The following ATXN7L1 variants were observed in gnomAD, a reference collection of about 807,000 sequenced individuals.
The protein encoded by ATXN7L1 is ataxin 7 like 1, also known as ataxin-7-like protein 1.
In ATXN7L1, 15 loss-of-function variants were observed where a neutral mutation model predicts 70.8. The observed-to-expected ratio is 0.21, with a 90% CI of 0.14 to 0.33. The LOEUF (loss-of-function observed/expected upper bound fraction) is 0.33, where lower values mean the gene tolerates loss of function less well. ATXN7L1 is among the 10% of genes least tolerant of loss of function. ATXN7L1 has a pLI of 1.00. For synonymous variants in ATXN7L1, 440 were observed against 445.1 expected (o/e 0.99, Z 0.14); for missense variants, 975 against 1,097.1 (o/e 0.89, Z 1.57).
intron 2 of ATXN7L1, among the ~76,000 whole-genome samples, chr7:105,823,949 T>A (rs1810500398): frequency 6.6e-6 from 1 of 152,062 alleles, no homozygotes; most frequent in Non-Finnish European, 1.5e-5. Context: ...TCTGAAGGTT[T>A]GTTTACTGGA....
chr7:105,830,900 G>A (rs1350057964), intron 2 of ATXN7L1, among the ~76,000 whole-genome samples: 1 of 152,242 alleles, frequency 6.6e-6, no homozygotes, highest in African/African-American at 2.4e-5. Flanking sequence ...TCACAGAGCT[G>A]TCCTATTGAG....
intron 2 of ATXN7L1, among the ~76,000 whole-genome samples, chr7:105,807,498 C>T (rs1029671137): frequency 6.6e-6 from 1 of 152,200 alleles, no homozygotes; most frequent in Non-Finnish European, 1.5e-5. Context: ...GCAGGAATGG[C>T]CCCCCAGTTG....
chr7:105,624,373 C>T, intron 7 of ATXN7L1, 106 bp from the exon 8 acceptor site: 1 of 1,146,728 alleles, frequency 8.7e-7, no homozygotes, highest in Non-Finnish European at 1.1e-6. Flanking sequence ...TGATTAAGGC[C>T]AGGTTCGGTG....
intron 3 of ATXN7L1, among the ~76,000 whole-genome samples, chr7:105,734,389 C>A (rs1584875937): frequency 1.3e-5 from 2 of 152,220 alleles, no homozygotes; most frequent in African/African-American, 4.8e-5. Context: ...GCCTCAGAGC[C>A]CGGGGCAGCT....
chr7:105,839,866 TAATAC>T (rs1190194766), intron 2 of ATXN7L1, among the ~76,000 whole-genome samples: 1 of 152,176 alleles, frequency 6.6e-6, no homozygotes, highest in East Asian at 1.9e-4. Context: ...AAATAAGAAA[TAATAC>T]AATATTATTA....
intron 3 of ATXN7L1, among the ~76,000 whole-genome samples, chr7:105,763,149 T>C (rs1800763290): frequency 6.6e-6 from 1 of 152,242 alleles, no homozygotes; most frequent in Admixed American, 6.5e-5. Context: ...GAGTCATTTG[T>C]TATGCGGCAA....
At chr7:105,749,978 ATACACCTAAAATCTTAATTTGCCTTTAAC>A (rs1799004924) in intron 3 of ATXN7L1, among the ~76,000 whole-genome samples, 1 of 151,898 alleles carries the variant, frequency 6.6e-6, no homozygotes, top group African/African-American at 2.4e-5. Flanking sequence ...CACCTGCACG[ATACACCTAAAATCTTAATTTGCCTTTAAC>A]AGCTGTACCC....
At chr7:105,681,653 T>C (rs1194635524) in intron 3 of ATXN7L1, among the ~76,000 whole-genome samples, 1 of 151,998 alleles carries the variant, frequency 6.6e-6, no homozygotes, top group Non-Finnish European at 1.5e-5. Flanking sequence ...GCAACCCAAG[T>C]GTCTATCAAT....
At chr7:105,639,349 G>T (rs1797847346) in intron 6 of ATXN7L1, 138 bp downstream of exon 6, 2 of 546,244 alleles carry the variant, frequency 3.7e-6, no homozygotes, top group Non-Finnish European at 3.2e-6. Flanking sequence ...TGGACGAGAA[G>T]AAAGCATTTC....
At chr7:105,798,635 T>TCACCCTATCATCTTCCC (rs1222704591) in intron 2 of ATXN7L1, among the ~76,000 whole-genome samples, 1 of 152,212 alleles carries the variant, frequency 6.6e-6, no homozygotes, top group Non-Finnish European at 1.5e-5. Context: ...ACCCTATCAT[T>TCACCCTATCATCTTCCC]CACAGTTCCA....
chr7:105,777,562 T>A (rs1450875209), intron 3 of ATXN7L1, among the ~76,000 whole-genome samples: 1 of 152,244 alleles, frequency 6.6e-6, no homozygotes, highest in Non-Finnish European at 1.5e-5. Flanking sequence ...AAATGTTGAC[T>A]CTTCCCTTTC....
intron 4 of ATXN7L1, among the ~76,000 whole-genome samples, chr7:105,648,518 C>T (rs1290946104): frequency 6.6e-6 from 1 of 152,232 alleles, no homozygotes. Flanking sequence ...GATAGTGCCA[C>T]AGAATCTGGA....
intron 3 of ATXN7L1, among the ~76,000 whole-genome samples, chr7:105,707,739 A>T (rs1793362345): frequency 6.6e-6 from 1 of 152,240 alleles, no homozygotes; most frequent in Non-Finnish European, 1.5e-5. Context: ...GGGCATTTGT[A>T]TCCCAAAGGG....
chr7:105,658,707 T>G (rs933120668), intron 4 of ATXN7L1, among the ~76,000 whole-genome samples: 1 of 152,068 alleles, frequency 6.6e-6, no homozygotes, highest in Non-Finnish European at 1.5e-5. Context: ...TTTTTTTTTG[T>G]ATTTTTAGTA....
At chr7:105,656,279 A>G (rs939657936) in intron 4 of ATXN7L1, among the ~76,000 whole-genome samples, 5 of 152,254 alleles carry the variant, frequency 3.3e-5, no homozygotes, top group African/African-American at 1.2e-4. Flanking sequence ...AAAAGGGCCA[A>G]ACAGCCATAA....
rs1554376684 is a variant in ATXN7L1 at position 105,605,483 on chromosome 7, G to GT, written c.*2368_*2369insA. 1 of 96,060 alleles carries GT rather than the reference G, an allele frequency of 1.0e-5. No individual in the cohort carries two copies. Among genetic ancestry groups the GT allele is most frequent in the Non-Finnish European group, 2.2e-5 (1 of 45,680 alleles). The allele number at this position is 96,060 out of a possible 1,614,324, so 6.0% of individuals were successfully genotyped here. A position where few individuals can be genotyped will look rare whatever the true frequency, so the allele number is the denominator to read the frequency against. On this transcript the variant is annotated 3_prime_UTR_variant, in exon 12 of 12. Coordinates refer to ENST00000419735, the MANE Select transcript of ATXN7L1 (RefSeq NM_020725.2). ...GCAGCATTCGATGAGGGTGGGGGGG[G>GT]GGGTGGGGGCTCTTTATTCCAGCTT...
At chr7:105,867,534 A>C (rs535474786) in intron 2 of ATXN7L1, among the ~76,000 whole-genome samples, 1 of 152,116 alleles carries the variant, frequency 6.6e-6, no homozygotes, top group Non-Finnish European at 1.5e-5. Flanking sequence ...CTGGACTCCA[A>C]GGTTTGGAAG....
At chr7:105,621,327 T>C (rs1747182741) in intron 8 of ATXN7L1, among the ~76,000 whole-genome samples, 2 of 152,220 alleles carry the variant, frequency 1.3e-5, no homozygotes, top group Admixed American at 6.5e-5. Flanking sequence ...CCACTGTGAA[T>C]TCCCATGGCA....
chr7:105,707,846 G>A (rs1793376090), intron 3 of ATXN7L1, among the ~76,000 whole-genome samples: 1 of 152,186 alleles, frequency 6.6e-6, no homozygotes, highest in Non-Finnish European at 1.5e-5. Context: ...TGATTTAATG[G>A]CTAGAAGCTC....
Sources: allele counts gnomAD v4.1 joint callset (sites outside exome capture counted in the v4.1 genomes callset), GRCh38; gene constraint gnomAD v4.1.1; transcripts MANE v1.5; gene names NCBI Gene and HGNC (gene_info 2026-07-23, HGNC 2026-07-21).